The following ABI2 variants were observed in gnomAD, a reference collection of about 807,000 sequenced individuals.
The protein encoded by ABI2 is abelson interactor 2.
A neutral mutation model predicts 59.2 loss-of-function variants in ABI2; 25 were observed. The ratio of observed to expected loss-of-function variants is 0.42; its 90% CI spans 0.31 to 0.59. ABI2 has a LOEUF of 0.59. Among genes scored for constraint, ABI2 ranks in the 20% least tolerant of loss-of-function variants. The probability of loss-of-function intolerance (pLI) is 0.14; values close to 1 mark genes in which losing one functional copy is unlikely to be tolerated. For missense variants in ABI2, 545 were observed against 681.8 expected, an observed-to-expected ratio of 0.80 and a Z score of 2.23; for synonymous variants, 213 against 235.5, an observed-to-expected ratio of 0.90 and a Z score of 0.87.
chr2:203,411,459 C>T (rs903326102), intron 10 of ABI2, 88 bp downstream of exon 10: 1 of 1,000,318 alleles, frequency 1.0e-6, no homozygotes, highest in Non-Finnish European at 1.5e-6. Context: ...CATTCATTTG[C>T]TGATACTTCA....
chr2:203,334,853 G>T (rs555182509), intron 1 of ABI2, among the ~76,000 whole-genome samples: 121 of 152,132 alleles, frequency 8.0e-4, no homozygotes, highest in African/African-American at 2.7e-3. Flanking sequence ...TAGAGACGGG[G>T]TTTCACCGTA....
chr2:203,413,353 A>G (rs546648669), intron 10 of ABI2, among the ~76,000 whole-genome samples: 1 of 152,358 alleles, frequency 6.6e-6, no homozygotes, highest in South Asian at 2.1e-4. Context: ...CTTTGTAGAA[A>G]CAGCAAAATG....
At chr2:203,416,840 A>C in intron 10 of ABI2, 68 bp from the exon 11 acceptor site, 3 of 1,446,288 alleles carry the variant, frequency 2.1e-6, no homozygotes, top group Non-Finnish European at 1.8e-6. Context: ...ATGAACCCAG[A>C]AGCTTGGATA....
intron 1 of ABI2, among the ~76,000 whole-genome samples, chr2:203,350,323 C>T (rs941293611): frequency 2.0e-5 from 3 of 151,990 alleles, no homozygotes; most frequent in Admixed American, 6.6e-5. Context: ...GTGATCCTCC[C>T]GCCTCGTGAC....
rs56123341 is a variant in ABI2, at chr2:203,403,742, GTTTT to G, written c.1192+1027_1192+1030del. On this transcript the variant is annotated intron_variant, in intron 9 of 11. Coordinates refer to ENST00000261018, the MANE Select transcript of ABI2 (RefSeq NM_001375670.1). The stretch of plus-strand genomic sequence containing the variant: ...TCTAAGTTCCATGTTCTTTCTTTCT[GTTTT>G]TTTTTTTTTTTTTTTTTTAAATTGA... Among the ~76,000 whole-genome samples, 8 of 95,302 alleles carry G rather than the reference GTTTT, an allele frequency of 8.4e-5. No homozygotes were observed. In the South Asian group the frequency reaches 1.3e-3, roughly 16 times the overall value. The allele number at this position is 95,302 out of a possible 152,430, so 62.5% of individuals were successfully genotyped here.
Position 203,328,417 on chromosome 2 carries a change from G to T in ABI2, c.-98G>T. 1 of 1,000,680 alleles carries T rather than the reference G, an allele frequency of 1.0e-6. No homozygotes were observed. The highest frequency in any genetic ancestry group is 1.5e-6 in the Non-Finnish European group (1 of 669,596). The allele number at this position is 1,000,680 out of a possible 1,614,324, so 62.0% of individuals were successfully genotyped here. On this transcript the variant is annotated 5_prime_UTR_variant, in exon 1 of 12. Coordinates refer to ENST00000261018, the MANE Select transcript of ABI2 (RefSeq NM_001375670.1). Reference sequence around the variant, plus strand: ...CTCCTTCCGAGTTACCGCCGCCGTCGCCGCCGCTCCTCCTCTCCCGGTCCT... The same window carrying T: ...CTCCTTCCGAGTTACCGCCGCCGTCTCCGCCGCTCCTCCTCTCCCGGTCCT...
intron 2 of ABI2, chr2:203,375,988 C>A (rs1174735889): frequency 6.6e-6 from 8 of 1,211,264 alleles, no homozygotes; most frequent in South Asian, 1.4e-5. Flanking sequence ...CAAATTATAC[C>A]GTTGTTAGAT....
chr2:203,328,899 C>T, intron 1 of ABI2: 1 of 288,182 alleles, frequency 3.5e-6, no homozygotes, highest in Admixed American at 5.3e-5. Flanking sequence ...CCGCCCTCGG[C>T]CGCCCCCGCA....
chr2:203,402,061 G>A (rs1323441166), intron 8 of ABI2, among the ~76,000 whole-genome samples: 1 of 152,092 alleles, frequency 6.6e-6, no homozygotes, highest in East Asian at 1.9e-4. Flanking sequence ...TTGAGACAGA[G>A]TCTCACTCTG....
At chr2:203,371,533 T>C (rs2095199460) in intron 2 of ABI2, among the ~76,000 whole-genome samples, 1 of 152,250 alleles carries the variant, frequency 6.6e-6, no homozygotes, top group African/African-American at 2.4e-5. Context: ...ACATGGATTA[T>C]GTTATGTATT....
intron 1 of ABI2, among the ~76,000 whole-genome samples, chr2:203,337,756 C>T (rs1462020671): frequency 6.6e-6 from 1 of 152,188 alleles, no homozygotes; most frequent in Non-Finnish European, 1.5e-5. Context: ...ATAGGCCTGG[C>T]ATGGTGGTTC....
chr2:203,361,421 C>T (rs1204745830), intron 1 of ABI2, among the ~76,000 whole-genome samples: 1 of 152,098 alleles, frequency 6.6e-6, no homozygotes, highest in Non-Finnish European at 1.5e-5. Context: ...ATCACTTGAG[C>T]CCAGGAGTTG....
chr2:203,349,890 T>C, intron 1 of ABI2, among the ~76,000 whole-genome samples: 1 of 152,170 alleles, frequency 6.6e-6, no homozygotes, highest in Non-Finnish European at 1.5e-5. Context: ...GCATATGTGC[T>C]CGTTTCTTTG....
intron 4 of ABI2, among the ~76,000 whole-genome samples, chr2:203,386,763 C>A (rs1320342895): frequency 6.6e-6 from 1 of 151,540 alleles, no homozygotes; most frequent in Non-Finnish European, 1.5e-5. Flanking sequence ...CTCAGACTTC[C>A]AAGCAGCTGG....
chr2:203,381,015 A>G (rs1318530905), intron 3 of ABI2, among the ~76,000 whole-genome samples: 1 of 152,190 alleles, frequency 6.6e-6, no homozygotes, highest in Non-Finnish European at 1.5e-5. Context: ...GTATTAATTT[A>G]TGTCTGATCA....
chr2:203,414,739 T>C (rs1451294468), intron 10 of ABI2, among the ~76,000 whole-genome samples: 2 of 152,234 alleles, frequency 1.3e-5, no homozygotes, highest in Non-Finnish European at 2.9e-5. Flanking sequence ...CATCCCATAA[T>C]AGTGTAGCTT....
In ABI2 at chr2:203,429,948, G is replaced by A. The variant is rs1446658351; in HGVS notation, c.*2596G>A. 1 of 152,012 alleles carries A rather than the reference G, an allele frequency of 6.6e-6. No individual in the cohort carries two copies. The highest frequency in any genetic ancestry group is 1.5e-5 in the Non-Finnish European group (1 of 68,014). The allele number at this position is 152,012 out of a possible 1,614,324, so 9.4% of individuals were successfully genotyped here. A position where few individuals can be genotyped will look rare whatever the true frequency, so the allele number is the denominator to read the frequency against. ...GTGGTTGGGAGCAGGGGTAGTCCAT[G>A]GGTCTGCTGATTTTTTTTCCCTATT... is the stretch of plus-strand genomic sequence containing the variant. On this transcript the variant is annotated 3_prime_UTR_variant, in exon 12 of 12. Transcript: ENST00000261018.
At chr2:203,355,260 A>G in intron 1 of ABI2, 1 of 330,452 alleles carries the variant, frequency 3.0e-6, no homozygotes. Context: ...TAATCCTAGC[A>G]CTTTGGGAGG....
chr2:203,344,568 T>TTG (rs1553537901), intron 1 of ABI2, among the ~76,000 whole-genome samples: 7 of 12,574 alleles, frequency 5.6e-4, no homozygotes, highest in East Asian at 3.0e-3. Flanking sequence ...GTTGTTTTTG[T>TTG]TTTTTTTTTT....
Sources: allele counts gnomAD v4.1 joint callset (sites outside exome capture counted in the v4.1 genomes callset), GRCh38; gene constraint gnomAD v4.1.1; transcripts MANE v1.5; gene names NCBI Gene and HGNC (gene_info 2026-07-23, HGNC 2026-07-21).